CNTN1: variants seen among roughly 807,000 people sequenced by gnomAD.
CNTN1 encodes contactin 1, also known as contactin-1.
Under a neutral mutation model 126.4 loss-of-function variants are expected in CNTN1, and 38 were observed. The observed-to-expected ratio is 0.30, with a 90% confidence interval of 0.23 to 0.39. The LOEUF (loss-of-function observed/expected upper bound fraction) is 0.39. Among genes scored for constraint, CNTN1 ranks in the 10% least tolerant of loss-of-function variants. The pLI is 1.00. For missense variants in CNTN1, 1,009 were observed against 1,248.4 expected (o/e 0.81, Z 2.89); for synonymous variants, 413 against 422.6 (o/e 0.98, Z 0.28).
chr12:41,031,189 A>T (rs1566179389), intron 23 of CNTN1, among the ~76,000 whole-genome samples: 1 of 152,206 alleles, frequency 6.6e-6, no homozygotes, highest in Non-Finnish European at 1.5e-5. Flanking sequence ...CCTATCACTA[A>T]TGGCACTGGT....
chr12:40,882,785 A>T lies in CNTN1; in HGVS notation c.-76-25572A>T, dbSNP rs141187225. 2.5e-3 allele frequency among the ~76,000 whole-genome samples: 385 copies of T among 151,768 alleles called. 2 individuals are homozygous for T. Among genetic ancestry groups the T allele is most frequent in the African/African-American group, 8.6e-3 (357 of 41,524 alleles). On this transcript the variant is annotated intron_variant, in intron 1 of 23. Coordinates refer to ENST00000551295, the MANE Select transcript of CNTN1 (RefSeq NM_001843.4). Reference sequence around the variant, plus strand: ...CTCCTATTGTAATGCTTTGAATTTAACATATTTCATATTTAGTATAAGTAA... The same window carrying T: ...CTCCTATTGTAATGCTTTGAATTTATCATATTTCATATTTAGTATAAGTAA...
intron 1 of CNTN1, among the ~76,000 whole-genome samples, chr12:40,804,575 G>A (rs888934230): frequency 6.6e-6 from 1 of 151,960 alleles, no homozygotes; most frequent in Non-Finnish European, 1.5e-5. Flanking sequence ...ATGGGTTGAT[G>A]GATAGAGGGG....
chr12:40,840,264 T>A (rs576765033), intron 1 of CNTN1, among the ~76,000 whole-genome samples: 6 of 152,010 alleles, frequency 3.9e-5, no homozygotes, highest in African/African-American at 1.4e-4. Flanking sequence ...CATTATATAA[T>A]CATAAAGGAA....
intron 12 of CNTN1, among the ~76,000 whole-genome samples, chr12:40,942,075 A>G (rs971233256): frequency 2.6e-5 from 4 of 152,144 alleles, no homozygotes; most frequent in African/African-American, 9.6e-5. Context: ...AGAAAGAATC[A>G]TCATTGTTTT....
Position 40,981,252 on chromosome 12 carries a change from T to G in CNTN1, c.1963+185T>G, listed in dbSNP as rs567315582. ...ATTACATAGAATTTACACATTTAAA[T>G]GTGTTAAAGCTATAGAAAAAGAAGT... On this transcript the variant is annotated intron_variant, in intron 16 of 23. Transcript: ENST00000551295. Among the ~76,000 whole-genome samples, 142 of 152,300 alleles carry G rather than the reference T, an allele frequency of 9.3e-4. 1 individual carries two copies. The highest frequency in any genetic ancestry group is 6.9e-4 in the Non-Finnish European group (47 of 68,016).
chr12:40,889,969 T>C (rs1758074592), intron 1 of CNTN1, among the ~76,000 whole-genome samples: 1 of 152,226 alleles, frequency 6.6e-6, no homozygotes, highest in African/African-American at 2.4e-5. Context: ...TGTTCTATAA[T>C]TGAGTTATTT....
At chr12:40,713,583 A>G (rs925738371) in intron 1 of CNTN1, among the ~76,000 whole-genome samples, 6 of 152,056 alleles carry the variant, frequency 3.9e-5, no homozygotes, top group Non-Finnish European at 8.8e-5. Flanking sequence ...CATAACACAT[A>G]TAAATGCCCC....
intron 23 of CNTN1, among the ~76,000 whole-genome samples, chr12:41,066,897 C>T (rs541904295): frequency 6.6e-6 from 1 of 152,254 alleles, no homozygotes; most frequent in African/African-American, 2.4e-5. Context: ...ATTGGTTTTA[C>T]ATTTCTTCTG....
At chr12:40,958,931 A>T (rs1313806117) in intron 14 of CNTN1, among the ~76,000 whole-genome samples, 183 bp from the exon 15 acceptor site, 1 of 152,124 alleles carries the variant, frequency 6.6e-6, no homozygotes, top group Non-Finnish European at 1.5e-5. Context: ...TCAATAAATT[A>T]TTCACTTTAT....
At chr12:40,971,636 GT>G in intron 15 of CNTN1, 2 of 1,478,284 alleles carry the variant, frequency 1.4e-6, no homozygotes, top group East Asian at 5.1e-5. Flanking sequence ...CTTAGAGTAT[GT>G]TTCCCCTTTT....
At chr12:41,016,565 A>G in intron 18 of CNTN1, 117 bp from the exon 19 acceptor site, 2 of 721,276 alleles carry the variant, frequency 2.8e-6, no homozygotes, top group African/African-American at 1.7e-5. Flanking sequence ...GCACTAATGT[A>G]TGAACTGTGT....
intron 1 of CNTN1, among the ~76,000 whole-genome samples, chr12:40,850,223 A>G (rs183300912): frequency 1.2e-4 from 18 of 152,238 alleles, no homozygotes; most frequent in African/African-American, 4.1e-4. Context: ...ATTGCTCATT[A>G]TGAAATTAAC....
At chr12:40,838,801 G>A (rs550798545) in intron 1 of CNTN1, among the ~76,000 whole-genome samples, 7 of 152,258 alleles carry the variant, frequency 4.6e-5, no homozygotes, top group Non-Finnish European at 8.8e-5. Flanking sequence ...TTCAAAAATA[G>A]GAAGAAGCAA....
intron 1 of CNTN1, among the ~76,000 whole-genome samples, chr12:40,757,564 T>G (rs7487223): frequency 0.99 from 150,159 of 152,278 alleles, 74,058 homozygotes; most frequent in Middle Eastern, 1. Flanking sequence ...CTCACCAGTG[T>G]GTTAATGAAC....
chr12:40,935,071 A>G (rs552587744), intron 9 of CNTN1, among the ~76,000 whole-genome samples: 2 of 152,124 alleles, frequency 1.3e-5, no homozygotes, highest in East Asian at 3.9e-4. Context: ...CAGTCACTCC[A>G]TTTATGATCC....
intron 1 of CNTN1, among the ~76,000 whole-genome samples, chr12:40,694,779 T>C (rs972675723): frequency 6.6e-6 from 1 of 152,158 alleles, no homozygotes; most frequent in Non-Finnish European, 1.5e-5. Flanking sequence ...ATGATCTGAT[T>C]TGGAGCAAGA....
At chr12:41,018,707 T>TGA (rs939025825) in intron 19 of CNTN1, among the ~76,000 whole-genome samples, 1 of 151,474 alleles carries the variant, frequency 6.6e-6, no homozygotes, top group African/African-American at 2.4e-5. Context: ...TGTGTGTGTG[T>TGA]GTGTGTATGT....
chr12:40,916,265 T>G (rs1046132000), intron 3 of CNTN1, among the ~76,000 whole-genome samples: 3 of 152,230 alleles, frequency 2.0e-5, no homozygotes, highest in Non-Finnish European at 2.9e-5. Flanking sequence ...TTTTAAGCAT[T>G]TTTATATGCA....
At chr12:40,962,246 CAT>C (rs1252560281) in intron 15 of CNTN1, among the ~76,000 whole-genome samples, 5 of 151,996 alleles carry the variant, frequency 3.3e-5, no homozygotes, top group South Asian at 2.1e-4. Context: ...CCCTAATCAA[CAT>C]GTGTGTGTGC....
Sources: gnomAD v4.1 joint callset for allele counts (sites outside exome capture counted in the v4.1 genomes callset) on GRCh38, gnomAD v4.1.1 for gene constraint, MANE v1.5 for transcripts, NCBI Gene and HGNC (gene_info 2026-07-23, HGNC 2026-07-21) for gene names.